The following NXPE2 variants were observed in gnomAD, a reference collection of about 807,000 sequenced individuals.
NXPE2 encodes NXPE family member 2.
A neutral mutation model predicts 34.4 loss-of-function variants in NXPE2; 34 were observed. The observed-to-expected ratio is 0.99, with a 90% CI of 0.75 to 1.31. The LOEUF is 1.31. Among genes scored for constraint, NXPE2 ranks in the 40% most tolerant of loss-of-function variants. The pLI, the probability that NXPE2 is intolerant of heterozygous loss-of-function variation, is 0.00. For missense variants in NXPE2, 649 were observed against 672.5 expected, an observed-to-expected ratio of 0.97 and a Z score of 0.39; for synonymous variants, 235 against 231.3, an observed-to-expected ratio of 1.02 and a Z score of -0.15.
chr11:114,566,385 AAC>A, the NXPE2 span, among the ~76,000 whole-genome samples: 183 of 152,298 alleles, frequency 1.2e-3, no homozygotes, highest in African/African-American at 3.7e-3. Flanking sequence ...GCAGGAGGAA[AAC>A]ACAGAGAAAT....
At chr11:114,710,977 A>C (rs2135580563), downstream of NXPE2, among the ~76,000 whole-genome samples, 2 of 152,328 alleles carry the variant, frequency 1.3e-5, no homozygotes, top group Admixed American at 1.3e-4. Context: ...CATTAACAAA[A>C]TAAGGAACAA....
At chr11:114,774,708 G>A in the NXPE2 span, among the ~76,000 whole-genome samples, 3 of 152,146 alleles carry the variant, frequency 2.0e-5, no homozygotes, top group African/African-American at 7.2e-5. Flanking sequence ...TCCCCCTTTC[G>A]CCCTTTCCCT....
chr11:114,500,329 T>C, the NXPE2 span, among the ~76,000 whole-genome samples: 4 of 152,116 alleles, frequency 2.6e-5, no homozygotes, highest in African/African-American at 9.6e-5. Flanking sequence ...TAGCATATCA[T>C]GTGTTTTTAA....
At chr11:114,605,566 C>T in the NXPE2 span, among the ~76,000 whole-genome samples, 1 of 151,644 alleles carries the variant, frequency 6.6e-6, no homozygotes, top group Non-Finnish European at 1.5e-5. Context: ...CCACTGTTAC[C>T]CGGTGGATAA....
At chr11:114,626,346 C>A in the NXPE2 span, among the ~76,000 whole-genome samples, 13 of 152,004 alleles carry the variant, frequency 8.6e-5, no homozygotes, top group Non-Finnish European at 4.4e-5. Context: ...GGCAGACTGC[C>A]TCCTCAAGTG....
the NXPE2 span, among the ~76,000 whole-genome samples, chr11:114,525,818 A>G: frequency 6.6e-6 from 1 of 152,230 alleles, no homozygotes. Context: ...TACATGTATA[A>G]GAGTCAAGCC....
the NXPE2 span, among the ~76,000 whole-genome samples, chr11:114,574,289 T>C: frequency 1.2e-3 from 175 of 151,760 alleles, no homozygotes; most frequent in African/African-American, 3.6e-3. Flanking sequence ...ACTAATGTCA[T>C]AGCTCATGGA....
At chr11:114,607,736 A>C in the NXPE2 span, among the ~76,000 whole-genome samples, 3,926 of 143,694 alleles carry the variant, frequency 0.027, 175 homozygotes, top group African/African-American at 0.095. Flanking sequence ...GGGTAACCAC[A>C]GTTGCCCGGT....
At chr11:114,764,766 A>T in the NXPE2 span, among the ~76,000 whole-genome samples, 1 of 152,202 alleles carries the variant, frequency 6.6e-6, no homozygotes. Flanking sequence ...ATGCAATAAC[A>T]ATCTGAAAAT....
chr11:114,749,110 A>T, the NXPE2 span, among the ~76,000 whole-genome samples: 1 of 152,180 alleles, frequency 6.6e-6, no homozygotes, highest in Non-Finnish European at 1.5e-5. Flanking sequence ...TTCTCCAAAG[A>T]GTCCTGGTTC....
the NXPE2 span, among the ~76,000 whole-genome samples, chr11:114,602,378 ATATT>A: frequency 7.8e-6 from 1 of 128,296 alleles, no homozygotes; most frequent in African/African-American, 2.9e-5. Context: ...TATACAATAT[ATATT>A]ATGCTATATA....
chr11:114,537,931 C>A, the NXPE2 span, among the ~76,000 whole-genome samples: 2 of 152,160 alleles, frequency 1.3e-5, no homozygotes, highest in African/African-American at 4.8e-5. Flanking sequence ...GAAAAAACTA[C>A]TTTAAAGTTC....
the NXPE2 span, among the ~76,000 whole-genome samples, chr11:114,606,059 C>G: frequency 6.6e-6 from 1 of 151,372 alleles, no homozygotes. Context: ...TCGTGGGTAA[C>G]CACTGTTATG....
At chr11:114,554,476 T>C in the NXPE2 span, 15 of 654,568 alleles carry the variant, frequency 2.3e-5, no homozygotes, top group Non-Finnish European at 2.8e-5. Context: ...CTTTTCCAAA[T>C]ACATAAAATA....
At chr11:114,788,028 C>A in the NXPE2 span, among the ~76,000 whole-genome samples, 3 of 152,262 alleles carry the variant, frequency 2.0e-5, no homozygotes, top group Non-Finnish European at 4.4e-5. Context: ...GAGTAAGGGG[C>A]TAGGCTCTTG....
At chr11:114,570,340 C>T in the NXPE2 span, among the ~76,000 whole-genome samples, 1 of 152,150 alleles carries the variant, frequency 6.6e-6, no homozygotes, top group African/African-American at 2.4e-5. Context: ...AGACAAACTT[C>T]CTGAATTCTA....
At chr11:114,649,425 C>T in the NXPE2 span, among the ~76,000 whole-genome samples, 1 of 152,154 alleles carries the variant, frequency 6.6e-6, no homozygotes, top group Non-Finnish European at 1.5e-5. Context: ...ACTACTAGTA[C>T]ATGTTAGCAT....
chr11:114,490,438 C>G, the NXPE2 span, among the ~76,000 whole-genome samples: 2 of 152,160 alleles, frequency 1.3e-5, no homozygotes, highest in African/African-American at 4.8e-5. Context: ...ATCACGCTAC[C>G]TGACTTAAAG....
chr11:114,739,297 TTC>T, the NXPE2 span, among the ~76,000 whole-genome samples: 1 of 34,676 alleles, frequency 2.9e-5, no homozygotes, highest in East Asian at 7.3e-4. Flanking sequence ...CCTTCCTTCC[TTC>T]CTTCCTTCCT....
Sources: allele counts gnomAD v4.1 joint callset (sites outside exome capture counted in the v4.1 genomes callset), GRCh38; gene constraint gnomAD v4.1.1; transcripts MANE v1.5; gene names NCBI Gene and HGNC (gene_info 2026-07-23, HGNC 2026-07-21).